Variants in NFAM1 observed in about 807,000 individuals in gnomAD.
NFAM1 encodes the protein NFAT activating protein with ITAM motif 1, also known as NFAT activation molecule 1.
A neutral mutation model predicts 29.0 loss-of-function variants in NFAM1; 17 were observed. The observed-to-expected ratio is 0.59, with a 90% CI of 0.40 to 0.88. The LOEUF (loss-of-function observed/expected upper bound fraction) is 0.88, where lower values mean the gene tolerates loss of function less well. Among genes scored for constraint, NFAM1 ranks in the 40% least tolerant of loss-of-function variants. The probability of loss-of-function intolerance (pLI) is 0.00; values close to 1 mark genes in which losing one functional copy is unlikely to be tolerated. For missense variants in NFAM1, 324 were observed against 344.6 expected (o/e 0.94, Z 0.47); for synonymous variants, 175 against 147.2 (o/e 1.19, Z -1.36).
At chr22:42,394,799 T>C (rs895989554) in intron 4 of NFAM1, among the ~76,000 whole-genome samples, 18 of 151,980 alleles carry the variant, frequency 1.2e-4, no homozygotes, top group African/African-American at 4.4e-4. Context: ...CCTCAGGCAG[T>C]GCAATAAAGT....
intron 3 of NFAM1, among the ~76,000 whole-genome samples, chr22:42,405,636 A>G (rs1237106121): frequency 6.6e-6 from 1 of 152,160 alleles, no homozygotes; most frequent in African/African-American, 2.4e-5. Flanking sequence ...GTGGGTCTCC[A>G]TCCTAACCCT....
In NFAM1 at chr22:42,409,453, G is replaced by A. The variant is rs1239825082; in HGVS notation, c.546C>T (p.Ala182=). The A allele has an allele frequency of 6.6e-7, 1 of 1,515,904 alleles. No homozygotes were observed. Among genetic ancestry groups the A allele is most frequent in the Non-Finnish European group, 8.9e-7 (1 of 1,127,138 alleles). 93.9% of individuals were successfully genotyped at this position (1,515,904 alleles called of 1,614,324 possible). A position where few individuals can be genotyped will look rare whatever the true frequency, so the allele number is the denominator to read the frequency against. The change falls in exon 3 of 6, where the codon GCC becomes GCT. Residue 182 remains alanine (A), a synonymous_variant. Coordinates refer to ENST00000329021, the MANE Select transcript of NFAM1 (RefSeq NM_145912.8). The surrounding 1 kb of genome is among the most constrained non-coding windows in gnomAD (Gnocchi z 4.9). The stretch of plus-strand genomic sequence containing the variant: ...CCCGTACCTTGTTCCAGAGCAGCAG[G>A]GCCGTGCCCACTACACTCAGGACAC... ...LLSVLSVVGT[A]LLLWNKKRMR... is the part of the protein sequence containing the mutation.
At chr22:42,402,320 C>T (rs533033792) in intron 3 of NFAM1, among the ~76,000 whole-genome samples, 129 of 152,306 alleles carry the variant, frequency 8.5e-4, no homozygotes, top group Non-Finnish European at 1.2e-3. Context: ...GCTCTGGACG[C>T]ATGAGGTGGC....
At chr22:42,387,860 C>T (rs1241160853) in intron 4 of NFAM1, among the ~76,000 whole-genome samples, 1 of 152,192 alleles carries the variant, frequency 6.6e-6, no homozygotes, top group Admixed American at 6.5e-5. Flanking sequence ...CCCAGGAAGC[C>T]CGAGTCAGTA....
chr22:42,435,931 C>CT (rs1199537348), upstream of NFAM1, among the ~76,000 whole-genome samples: 15 of 151,606 alleles, frequency 9.9e-5, no homozygotes, highest in African/African-American at 3.6e-4. Context: ...GTGATTCTCC[C>CT]GCCTCAGCCT....
At chr22:42,426,116 G>A (rs2146556046) in intron 1 of NFAM1, among the ~76,000 whole-genome samples, 1 of 152,344 alleles carries the variant, frequency 6.6e-6, no homozygotes, top group South Asian at 2.1e-4. Context: ...GGGGATGGGA[G>A]TCCTCTGCCT....
At position 42,430,402 on chromosome 22, in the gene NFAM1, A is replaced by T. The variant is rs578220031; in HGVS notation, c.121+1835T>A. Among the ~76,000 whole-genome samples, 5 of 152,286 alleles carry T rather than the reference A, an allele frequency of 3.3e-5. No individual in the cohort carries two copies. The East Asian group carries it at 9.7e-4, about 29-fold the overall frequency. ...TGGCAAAACTCTGTCTCTACTAAAA[A>T]TACAAAAATTAGCTGGGCATGGTGG... On this transcript the variant is annotated intron_variant, in intron 1 of 5. Coordinates refer to ENST00000329021, the MANE Select transcript of NFAM1 (RefSeq NM_145912.8).
intron 1 of NFAM1, among the ~76,000 whole-genome samples, chr22:42,414,062 C>A (rs1287874618): frequency 6.6e-6 from 1 of 151,870 alleles, no homozygotes; most frequent in Non-Finnish European, 1.5e-5. Context: ...TCAAAAAAAA[C>A]AAAAAGAAGA....
intron 4 of NFAM1, among the ~76,000 whole-genome samples, chr22:42,394,588 T>C (rs943366708): frequency 7.2e-5 from 11 of 152,164 alleles, no homozygotes; most frequent in African/African-American, 2.7e-4. Flanking sequence ...TATCAAAACT[T>C]GTGGGATGCA....
intron 1 of NFAM1, among the ~76,000 whole-genome samples, chr22:42,427,449 C>CT (rs1328524587): frequency 1.3e-5 from 2 of 152,226 alleles, no homozygotes; most frequent in Non-Finnish European, 2.9e-5. Flanking sequence ...TTAATTCATC[C>CT]TTGATTGTCA....
At chr22:42,400,226 G>A (rs533438168) in intron 3 of NFAM1, among the ~76,000 whole-genome samples, 4 of 152,342 alleles carry the variant, frequency 2.6e-5, no homozygotes, top group African/African-American at 9.6e-5. Flanking sequence ...GCTGGCGTCT[G>A]TGTAGCACTT....
chr22:42,385,137 GC>G lies in NFAM1; in HGVS notation c.*23del. The G allele has an allele frequency of 1.2e-6, 2 of 1,601,522 alleles. No homozygotes were observed. Among genetic ancestry groups the G allele is most frequent in the Non-Finnish European group, 1.7e-6 (2 of 1,168,840 alleles). On this transcript the variant is annotated 3_prime_UTR_variant, in exon 6 of 6. Coordinates refer to ENST00000329021, the MANE Select transcript of NFAM1 (RefSeq NM_145912.8). Reference sequence around the variant, plus strand: ...GCCCCGGTCCTCTGACCCAGGGCAAGCTCTATGAGCGGTGGAGCCCATCCTA... The same window carrying G: ...GCCCCGGTCCTCTGACCCAGGGCAAGTCTATGAGCGGTGGAGCCCATCCTA...
Position 42,384,505 on chromosome 22 carries a change from GC to G in NFAM1, c.*655del. 6.4e-6 allele frequency: 1 copy of G among 155,580 alleles called. No homozygotes were observed. The highest frequency in any genetic ancestry group is 1.4e-5 in the Non-Finnish European group (1 of 70,022). The allele number at this position is 155,580 out of a possible 1,614,324, so 9.6% of individuals were successfully genotyped here. On this transcript the variant is annotated 3_prime_UTR_variant, in exon 6 of 6. Transcript: ENST00000329021. ...TGTACCCAAGCCCTCTCTGCTCCAT[GC>G]CCCCAGCCTGCTGACCACCTCTCAG... is the stretch of plus-strand genomic sequence containing the variant.
chr22:42,429,904 G>A (rs1233143595), intron 1 of NFAM1, among the ~76,000 whole-genome samples: 3 of 152,206 alleles, frequency 2.0e-5, no homozygotes, highest in East Asian at 1.9e-4. Flanking sequence ...GCTCTGAGAC[G>A]AGAAGGCAGG....
Position 42,409,062 on chromosome 22 carries a change from G to A in NFAM1, c.564+373C>T, listed in dbSNP as rs1929993587. ...GTGTGGGAGAGCACCTGTGTGAGTG[G>A]CTGGTAGCCCCTTCATCCCTTCCAG... On this transcript the variant is annotated intron_variant, in intron 3 of 5. Transcript: ENST00000329021. The surrounding 1 kb of genome is among the most constrained non-coding windows in gnomAD (Gnocchi z 4.9). 6.6e-6 allele frequency among the ~76,000 whole-genome samples: 1 copy of A among 152,166 alleles called. No individual in the cohort carries two copies. The highest frequency in any genetic ancestry group is 1.5e-5 in the Non-Finnish European group (1 of 68,012).
intron 1 of NFAM1, among the ~76,000 whole-genome samples, chr22:42,426,266 C>T (rs1235946023): frequency 6.6e-6 from 1 of 152,156 alleles, no homozygotes; most frequent in Non-Finnish European, 1.5e-5. Flanking sequence ...TGCGGTTATG[C>T]TCTGTGGACC....
At chr22:42,435,279 C>T (rs1930911465), upstream of NFAM1, among the ~76,000 whole-genome samples, 1 of 151,864 alleles carries the variant, frequency 6.6e-6, no homozygotes, top group South Asian at 2.1e-4. Context: ...GGGGCCTCCT[C>T]GACACCAAGA....
At chr22:42,431,606 T>C (rs1569238316) in intron 1 of NFAM1, among the ~76,000 whole-genome samples, 1 of 152,100 alleles carries the variant, frequency 6.6e-6, no homozygotes, top group African/African-American at 2.4e-5. Flanking sequence ...CCACCCAGCT[T>C]CCAAGAAAGC....
rs114739824 is a variant in NFAM1 at position 42,422,080 on chromosome 22, C to T, written c.121+10157G>A. Reference sequence around the variant, plus strand: ...ACCGTTGCCTTTGGAATGGCGCCATCGGACAGGTTGTCACATCTTTCAACA... The same window carrying T: ...ACCGTTGCCTTTGGAATGGCGCCATTGGACAGGTTGTCACATCTTTCAACA... On this transcript the variant is annotated intron_variant, in intron 1 of 5. Coordinates refer to ENST00000329021, the MANE Select transcript of NFAM1 (RefSeq NM_145912.8). Among the ~76,000 whole-genome samples the T allele has an allele frequency of 8.0e-3, 1,224 of 152,282 alleles. 29 individuals are homozygous for T. The highest frequency in any genetic ancestry group is 0.028 in the African/African-American group (1,163 of 41,574).
Sources: allele counts gnomAD v4.1 joint callset (sites outside exome capture counted in the v4.1 genomes callset), GRCh38; gene constraint gnomAD v4.1.1; non-coding constraint Gnocchi (gnomAD v3.1); transcripts MANE v1.5; gene names NCBI Gene and HGNC (gene_info 2026-07-23, HGNC 2026-07-21).